The following CREB3L3 variants were observed in gnomAD, a reference collection of about 807,000 sequenced individuals.
CREB3L3 encodes the protein cyclic AMP-responsive element-binding protein 3-like protein 3.
CREB3L3 carries 40 observed loss-of-function variants against 44.6 expected under a neutral mutation model. That is an observed-to-expected ratio of 0.90 (90% CI 0.70 to 1.17). The LOEUF is 1.17. Among genes scored for constraint, CREB3L3 ranks in the 50% most tolerant of loss-of-function variants. CREB3L3 has a pLI of 0.00. For synonymous variants in CREB3L3, 273 were observed against 256.3 expected, an observed-to-expected ratio of 1.06 and a Z score of -0.62; for missense variants, 578 against 595.8, an observed-to-expected ratio of 0.97 and a Z score of 0.31.
intron 7 of CREB3L3, among the ~76,000 whole-genome samples, chr19:4,170,523 A>G (rs182812065): frequency 8.6e-5 from 13 of 151,666 alleles, no homozygotes; most frequent in Admixed American, 1.3e-4. Flanking sequence ...GAGGCAGGAG[A>G]ATTGCTTGAA....
At chr19:4,153,862 AC>A (rs1393331208) in intron 1 of CREB3L3, 88 bp downstream of exon 1, 1 of 1,402,168 alleles carries the variant, frequency 7.1e-7, no homozygotes, top group South Asian at 1.2e-5. Context: ...CCCCATCTCC[AC>A]CCCTATTGTA....
intron 3 of CREB3L3, 69 bp downstream of exon 3, chr19:4,157,364 T>C: frequency 6.4e-7 from 1 of 1,555,698 alleles, no homozygotes; most frequent in Non-Finnish European, 8.9e-7. Flanking sequence ...AGTGAGGAAA[T>C]GGAGGCCCAG....
At position 4,171,340 on chromosome 19, in the gene CREB3L3, GGGGAGGGGA is replaced by G; in HGVS notation, c.976-34_976-26del. The G allele has an allele frequency of 6.4e-7, 1 of 1,571,166 alleles. No individual in the cohort carries two copies. The highest frequency in any genetic ancestry group is 8.8e-7 in the Non-Finnish European group (1 of 1,141,878). On this transcript the variant is annotated intron_variant, in intron 8 of 9. Transcript: ENST00000078445. This position sits in a 1 kb window ranked among gnomAD's most constrained non-coding sequence, Gnocchi z 4.9. ...TGCCTGTGGGATGGAGATGCTTGCA[GGGGAGGGGA>G]GGGAGGGGGTGACTCTGCCGCTGTC...
chr19:4,158,272 C>T (rs1212796608), intron 3 of CREB3L3, among the ~76,000 whole-genome samples: 6 of 151,910 alleles, frequency 3.9e-5, no homozygotes, highest in East Asian at 1.9e-4. Context: ...CTGAGGCAGG[C>T]GGATCACTTG....
intron 2 of CREB3L3, among the ~76,000 whole-genome samples, chr19:4,156,356 T>A (rs2041576993): frequency 6.6e-6 from 1 of 150,606 alleles, no homozygotes; most frequent in African/African-American, 2.4e-5. Flanking sequence ...CCTGGCTAAT[T>A]TTGAATTTTT....
At chr19:4,163,898 G>A (rs1277757423) in intron 4 of CREB3L3, among the ~76,000 whole-genome samples, 1 of 150,454 alleles carries the variant, frequency 6.6e-6, no homozygotes, top group African/African-American at 2.5e-5. Flanking sequence ...TCTGCTTCCC[G>A]GGTTCAAGCA....
intron 4 of CREB3L3, 176 bp from the exon 5 acceptor site, chr19:4,164,327 C>A: frequency 1.3e-6 from 1 of 754,480 alleles, no homozygotes; most frequent in Non-Finnish European, 2.3e-6. Context: ...AGGCTGGTCT[C>A]GATCTCCTGA....
chr19:4,159,381 C>G (rs1328321322), intron 3 of CREB3L3, among the ~76,000 whole-genome samples: 4 of 114,604 alleles, frequency 3.5e-5, no homozygotes, highest in Non-Finnish European at 8.2e-5. Flanking sequence ...GAACTCCTAA[C>G]CTCAGATGAT....
At position 4,157,165 on chromosome 19, in the gene CREB3L3, C is replaced by G. The variant is rs745341236; in HGVS notation, c.327C>G (p.Ser109=). 1 of 1,614,034 alleles carries G rather than the reference C, an allele frequency of 6.2e-7. No homozygotes were observed. The highest frequency in any genetic ancestry group is 1.7e-5 in the Admixed American group (1 of 59,990). ...DTPPRSGPAT[S]PAGCHPAQPG... ...CTCCACGCAGCGGACCAGCCACCTC[C>G]CCCGCCGGCTGCCATCCTGCCCAGC... The change falls in exon 3 of 10, where the codon TCC becomes TCG. Residue 109 remains serine, a synonymous_variant. Transcript: ENST00000078445.
chr19:4,164,518 G>A lies in CREB3L3; in HGVS notation c.592G>A (p.Gly198Arg), dbSNP rs752801301. 3 of 1,614,018 alleles carry A rather than the reference G, an allele frequency of 1.9e-6. No homozygotes were observed. The highest frequency in any genetic ancestry group is 4.5e-5 in the East Asian group (2 of 44,878). ...TTTTCCGTAGCAACAGCATCACCTG[G>A]GGGCCTCCTACCTCCTGCGACCTGG... ...SSGDLQQHHL[G>R]ASYLLRPGAG... Residue 198 changes from glycine to arginine, a missense_variant, in exon 5 of 10, where the codon GGG becomes AGG. By Grantham distance (125) the Gly-to-Arg change is moderately radical (BLOSUM62 -2). Transcript: ENST00000078445.
At chr19:4,165,682 G>A (rs1966889799) in intron 5 of CREB3L3, among the ~76,000 whole-genome samples, 1 of 151,896 alleles carries the variant, frequency 6.6e-6, no homozygotes, top group Non-Finnish European at 1.5e-5. Flanking sequence ...CCAACATGGT[G>A]AAACCCCGTC....
intron 5 of CREB3L3, among the ~76,000 whole-genome samples, chr19:4,164,865 C>A (rs140650522): frequency 2.0e-5 from 3 of 152,056 alleles, no homozygotes; most frequent in Admixed American, 2.0e-4. Flanking sequence ...TGCGCCACCA[C>A]GCCCAGCTAA....
chr19:4,164,755 C>A, intron 5 of CREB3L3, 115 bp downstream of exon 5: 1 of 1,286,034 alleles, frequency 7.8e-7, no homozygotes. Flanking sequence ...GTCACTGAGG[C>A]TGGGATGCAG....
chr19:4,164,780 C>A, intron 5 of CREB3L3, 140 bp downstream of exon 5: 1 of 1,011,570 alleles, frequency 9.9e-7, no homozygotes, highest in South Asian at 1.4e-5. Context: ...ACGATCTCAG[C>A]TTGCTGCAAC....
chr19:4,167,411 AAAAGAAAGAAAAGAAAG>A (rs1266973869), intron 5 of CREB3L3, among the ~76,000 whole-genome samples: 1 of 146,400 alleles, frequency 6.8e-6, no homozygotes, highest in African/African-American at 2.5e-5. Flanking sequence ...GAAAGAAAGG[AAAAGAAAGAAAAGAAAG>A]AAAGAAAGGA....
chr19:4,166,802 T>G (rs1966915867), intron 5 of CREB3L3, among the ~76,000 whole-genome samples: 1 of 151,998 alleles, frequency 6.6e-6, no homozygotes, highest in South Asian at 2.1e-4. Context: ...AACTGCAACC[T>G]TGAACTCCTG....
At chr19:4,166,415 T>A (rs1269245495) in intron 5 of CREB3L3, among the ~76,000 whole-genome samples, 2 of 135,158 alleles carry the variant, frequency 1.5e-5, no homozygotes, top group Admixed American at 1.7e-4. Flanking sequence ...CCACCACGCC[T>A]GGCTAATTTT....
intron 4 of CREB3L3, among the ~76,000 whole-genome samples, chr19:4,162,225 C>T (rs1439967629): frequency 4.6e-5 from 7 of 151,936 alleles, no homozygotes; most frequent in Admixed American, 3.3e-4. Flanking sequence ...AGGCTGGTCT[C>T]GATCTCCTGA....
chr19:4,154,465 G>A (rs765968292), intron 1 of CREB3L3, among the ~76,000 whole-genome samples: 2 of 152,066 alleles, frequency 1.3e-5, no homozygotes, highest in Non-Finnish European at 2.9e-5. Context: ...AACCTCCTGG[G>A]TTCAAGGGAT....
Sources: gnomAD v4.1 joint callset for allele counts (sites outside exome capture counted in the v4.1 genomes callset) on GRCh38, gnomAD v4.1.1 for gene constraint, Gnocchi (gnomAD v3.1) non-coding constraint, MANE v1.5 for transcripts, NCBI Gene and HGNC (gene_info 2026-07-23, HGNC 2026-07-21) for gene names.